Variants in DPP10 observed in about 807,000 individuals in gnomAD.
DPP10 encodes inactive dipeptidyl peptidase 10.
In DPP10, 33 loss-of-function variants were observed where a neutral mutation model predicts 120.9. The observed-to-expected ratio is 0.27, with a 90% confidence interval of 0.21 to 0.37. DPP10 has a LOEUF of 0.37. Among genes scored for constraint, DPP10 ranks in the 10% least tolerant of loss-of-function variants. The pLI, the probability that DPP10 is intolerant of heterozygous loss-of-function variation, is 1.00. For missense variants in DPP10, 816 were observed against 942.8 expected, an observed-to-expected ratio of 0.87 and a Z score of 1.76; for synonymous variants, 337 against 326.1, an observed-to-expected ratio of 1.03 and a Z score of -0.36.
intron 5 of DPP10, among the ~76,000 whole-genome samples, chr2:115,641,485 A>G (rs2086774531): frequency 1.3e-5 from 2 of 152,054 alleles, no homozygotes; most frequent in African/African-American, 4.8e-5. Context: ...ACCTCTTCAG[A>G]GAGACCTCTT....
At chr2:115,573,571 T>A (rs1488229038) in intron 5 of DPP10, among the ~76,000 whole-genome samples, 1 of 142,798 alleles carries the variant, frequency 7.0e-6, no homozygotes, top group Non-Finnish European at 1.5e-5. Context: ...CGTGAGCCAC[T>A]GCGCCCGGCC....
chr2:114,458,799 A>T (rs1284069608), intron 1 of DPP10, among the ~76,000 whole-genome samples: 1 of 152,192 alleles, frequency 6.6e-6, no homozygotes, highest in Non-Finnish European at 1.5e-5. Flanking sequence ...GGAGTCATTG[A>T]TAAAAGCAAA....
rs150325899 is a variant in DPP10 at position 115,744,561 on chromosome 2, A to G, written c.853-1525A>G. Among the ~76,000 whole-genome samples the G allele has an allele frequency of 4.9e-3, 742 of 150,496 alleles. 17 individuals carry two copies. Among genetic ancestry groups the G allele is most frequent in the African/African-American group, 0.017 (712 of 41,462 alleles). On this transcript the variant is annotated intron_variant, in intron 9 of 25. Coordinates refer to ENST00000410059, the MANE Select transcript of DPP10 (RefSeq NM_020868.6). ...GCCCTTTACTCTATGAACCAATTTC[A>G]TAATCTCTCTTAACAGTTACCTCAT...
At chr2:114,532,918 A>T (rs1234806142) in intron 1 of DPP10, among the ~76,000 whole-genome samples, 3 of 152,104 alleles carry the variant, frequency 2.0e-5, no homozygotes, top group Non-Finnish European at 2.9e-5. Context: ...CTGCTTCTGG[A>T]CTCATCGTTC....
chr2:115,456,624 G>A (rs1281617198), intron 3 of DPP10, among the ~76,000 whole-genome samples: 1 of 152,098 alleles, frequency 6.6e-6, no homozygotes, highest in Admixed American at 6.6e-5. Context: ...GGAATACTAT[G>A]CAGCCATAAA....
intron 1 of DPP10, among the ~76,000 whole-genome samples, chr2:115,205,658 G>T (rs1426776349): frequency 1.3e-5 from 2 of 152,034 alleles, no homozygotes; most frequent in Non-Finnish European, 1.5e-5. Context: ...TTGGATAAAG[G>T]AAATGTGACA....
intron 1 of DPP10, among the ~76,000 whole-genome samples, chr2:114,717,937 A>C (rs1483742826): frequency 2.6e-5 from 4 of 152,272 alleles, no homozygotes; most frequent in African/African-American, 9.6e-5. Context: ...GTAAGAAACT[A>C]TTGCTATTTT....
chr2:115,720,877 C>T (rs919339835), intron 7 of DPP10, among the ~76,000 whole-genome samples: 2 of 152,090 alleles, frequency 1.3e-5, no homozygotes, highest in African/African-American at 2.4e-5. Context: ...AATTTTGAAG[C>T]CAGTGTTTTG....
intron 1 of DPP10, among the ~76,000 whole-genome samples, chr2:114,506,072 A>G (rs1483180057): frequency 1.3e-5 from 2 of 152,228 alleles, no homozygotes; most frequent in African/African-American, 4.8e-5. Context: ...GGTCCCCGGC[A>G]AGGGCCCCAA....
chr2:115,009,677 A>G (rs1378468546), intron 1 of DPP10, among the ~76,000 whole-genome samples: 6 of 152,134 alleles, frequency 3.9e-5, no homozygotes, highest in Admixed American at 2.0e-4. Context: ...CCTAATGTAG[A>G]TGACGGGTTG....
intron 5 of DPP10, among the ~76,000 whole-genome samples, chr2:115,612,511 C>A (rs2084184083): frequency 6.6e-6 from 1 of 152,088 alleles, no homozygotes. Context: ...ATATTTCTTC[C>A]ACATGTATAA....
chr2:115,506,931 C>T (rs1558771722), intron 4 of DPP10, among the ~76,000 whole-genome samples: 1 of 151,962 alleles, frequency 6.6e-6, no homozygotes, highest in Non-Finnish European at 1.5e-5. Context: ...TGACTATAAC[C>T]TGTGTCATCA....
At chr2:115,451,560 T>C (rs967654099) in intron 3 of DPP10, among the ~76,000 whole-genome samples, 25 of 151,948 alleles carry the variant, frequency 1.6e-4, no homozygotes, top group Non-Finnish European at 2.9e-5. Flanking sequence ...CTATATTTGA[T>C]AGAAGTCACT....
At chr2:115,470,230 A>C (rs752160434) in intron 3 of DPP10, among the ~76,000 whole-genome samples, 1 of 152,172 alleles carries the variant, frequency 6.6e-6, no homozygotes, top group Non-Finnish European at 1.5e-5. Flanking sequence ...GGTTGTGGGC[A>C]TTGCTTATTT....
At chr2:115,729,092 A>C (rs2092835981) in intron 8 of DPP10, among the ~76,000 whole-genome samples, 1 of 152,192 alleles carries the variant, frequency 6.6e-6, no homozygotes, top group African/African-American at 2.4e-5. Flanking sequence ...TATGCTGTGA[A>C]AGTATATATT....
intron 1 of DPP10, among the ~76,000 whole-genome samples, chr2:114,987,810 T>TTTTTTTTTTTTTTTTTA (rs1376345188): frequency 1.5e-5 from 2 of 132,300 alleles, no homozygotes; most frequent in African/African-American, 5.7e-5. Flanking sequence ...CTGTCTTTTT[T>TTTTTTTTTTTTTTTTTA]TTTTTTATTT....
Position 114,770,099 on chromosome 2 carries a change from A to G in DPP10, c.60+327261A>G, listed in dbSNP as rs116697422. 7.4e-3 allele frequency among the ~76,000 whole-genome samples: 1,133 copies of G among 152,262 alleles called. 23 individuals carry two copies. The highest frequency in any genetic ancestry group is 0.025 in the African/African-American group (1,058 of 41,534). On this transcript the variant is annotated intron_variant, in intron 1 of 25. Coordinates refer to ENST00000410059, the MANE Select transcript of DPP10 (RefSeq NM_020868.6). Reference sequence around the variant, plus strand: ...CCATTTTGTTGTTGTTGTTGTTAGCAAGCTGATTCTAAAAGACAAAGAGAA... The same window carrying G: ...CCATTTTGTTGTTGTTGTTGTTAGCGAGCTGATTCTAAAAGACAAAGAGAA...
At chr2:114,853,556 T>C (rs190442237) in intron 1 of DPP10, among the ~76,000 whole-genome samples, 171 of 152,300 alleles carry the variant, frequency 1.1e-3, no homozygotes, top group Non-Finnish European at 1.8e-3. Flanking sequence ...TCCAATTCTT[T>C]GAAAGGCCAT....
At chr2:115,131,269 C>A (rs1367464979) in intron 1 of DPP10, among the ~76,000 whole-genome samples, 1 of 152,230 alleles carries the variant, frequency 6.6e-6, no homozygotes. Flanking sequence ...AATCCCCGAA[C>A]TTTGGGAGGC....
Sources: allele counts gnomAD v4.1 joint callset (sites outside exome capture counted in the v4.1 genomes callset), GRCh38; gene constraint gnomAD v4.1.1; transcripts MANE v1.5; gene names NCBI Gene and HGNC (gene_info 2026-07-23, HGNC 2026-07-21).